Variants in FARP2 observed in about 807,000 individuals in gnomAD.
The protein encoded by FARP2 is FERM, ARHGEF and pleckstrin domain-containing protein 2.
A neutral mutation model predicts 130.5 loss-of-function variants in FARP2; 111 were observed. That is an observed-to-expected ratio of 0.85 (90% CI 0.73 to 1.00). FARP2 has a LOEUF of 1.00. FARP2 is among the 50% of genes least tolerant of loss of function. The pLI is 0.00. For missense variants in FARP2, 1,385 were observed against 1,346.3 expected, an observed-to-expected ratio of 1.03 and a Z score of -0.45; for synonymous variants, 504 against 516.9, an observed-to-expected ratio of 0.98 and a Z score of 0.34.
intron 2 of FARP2, among the ~76,000 whole-genome samples, chr2:241,397,869 G>C (rs1227478515): frequency 7.7e-6 from 1 of 129,296 alleles, no homozygotes; most frequent in Non-Finnish European, 1.6e-5. Context: ...TCGCTCTGTC[G>C]CCCAGGCTGG....
intron 8 of FARP2, among the ~76,000 whole-genome samples, chr2:241,424,976 T>TG (rs1415138294): frequency 6.6e-6 from 1 of 151,948 alleles, no homozygotes; most frequent in African/African-American, 2.4e-5. Context: ...CGGAGGCCAA[T>TG]GGGGGCAGAT....
Position 241,452,785 on chromosome 2 carries a change from A to T in FARP2, c.1412-3962A>T, listed in dbSNP as rs565822915. ...GTGAAACCACATCTCTACTAAAAAT[A>T]CAAAAATTAGCTGGGCATGGTGGCG... On this transcript the variant is annotated intron_variant, in intron 13 of 26. Transcript: ENST00000264042. Among the ~76,000 whole-genome samples the T allele has an allele frequency of 3.3e-5, 5 of 151,830 alleles. No homozygotes were observed. The South Asian group carries it at 1.0e-3, about 32-fold the overall frequency.
intron 8 of FARP2, among the ~76,000 whole-genome samples, chr2:241,424,831 A>G (rs1235574349): frequency 6.6e-6 from 1 of 152,220 alleles, no homozygotes; most frequent in Non-Finnish European, 1.5e-5. Context: ...CTCTATGCAC[A>G]TAAAGTGGAA....
chr2:241,493,959 G>A, intron 26 of FARP2, 49 bp from the exon 27 acceptor site: 1 of 1,182,730 alleles, frequency 8.5e-7, no homozygotes, highest in Non-Finnish European at 1.1e-6. Context: ...TTGGGACAGT[G>A]TCTGAGCACA....
intron 26 of FARP2, 134 bp downstream of exon 26, chr2:241,493,578 C>CAAAAA (rs1263766121): frequency 1.4e-4 from 99 of 719,474 alleles, no homozygotes; most frequent in Admixed American, 8.3e-5. Flanking sequence ...CCAGCATTTC[C>CAAAAA]AAAAAACAGC....
At chr2:241,433,641 T>C (rs1358306158) in intron 9 of FARP2, among the ~76,000 whole-genome samples, 1 of 152,234 alleles carries the variant, frequency 6.6e-6, no homozygotes, top group Non-Finnish European at 1.5e-5. Context: ...TGACTTCATT[T>C]TTCTGCTAGT....
chr2:241,478,454 G>T, intron 19 of FARP2: 1 of 266,832 alleles, frequency 3.7e-6, no homozygotes, highest in Non-Finnish European at 7.5e-6. Context: ...CAACATTGGT[G>T]GCACCTACTT....
chr2:241,468,288 C>T lies in FARP2; in HGVS notation c.2042C>T (p.Pro681Leu). The T allele has an allele frequency of 6.2e-7, 1 of 1,613,864 alleles. No individual in the cohort carries two copies. Among genetic ancestry groups the T allele is most frequent in the Non-Finnish European group, 8.5e-7 (1 of 1,180,028 alleles). The change falls in exon 18 of 27, where the codon CCC becomes CTC. Residue 681 changes from proline (P) to leucine (L), a missense_variant. Coordinates refer to ENST00000264042, the MANE Select transcript of FARP2 (RefSeq NM_014808.4). Reference sequence around the variant, plus strand: ...CCTCTCAACACGTTCCTGCTGAAGCCCATCCAGCGGCTGCTGCACTACCGC... The same window carrying T: ...CCTCTCAACACGTTCCTGCTGAAGCTCATCCAGCGGCTGCTGCACTACCGC... ...YLPLNTFLLK[P>L]IQRLLHYRLL...
intron 7 of FARP2, among the ~76,000 whole-genome samples, chr2:241,415,989 C>CTGTGTGTG (rs57774022): frequency 0.035 from 4,894 of 141,606 alleles, 120 homozygotes; most frequent in African/African-American, 0.047. Flanking sequence ...CAGGGTAGTT[C>CTGTGTGTG]TGTGTGTGTG....
Position 241,441,648 on chromosome 2 carries a change from C to T in FARP2, c.1411+92C>T, listed in dbSNP as rs749481371. 3.5e-5 allele frequency: 54 copies of T among 1,547,890 alleles called. No homozygotes were observed. In the Middle Eastern group the frequency reaches 5.0e-4, roughly 14 times the overall value. ...CCTTAGACCTAGACACAGGGAGGGC[C>T]GGTAGGGAGCTCAGCGCTGCTTGTA... On this transcript the variant is annotated intron_variant, in intron 13 of 26. Coordinates refer to ENST00000264042, the MANE Select transcript of FARP2 (RefSeq NM_014808.4).
In FARP2 at chr2:241,466,026, C is replaced by A. The variant is rs916974755; in HGVS notation, c.1893+2046C>A. On this transcript the variant is annotated intron_variant, in intron 17 of 26. Transcript: ENST00000264042. The stretch of plus-strand genomic sequence containing the variant: ...TGAAATATACACAAATCTGTTTGAT[C>A]CAGATTATCATACTGTAGTCATCTT... The A allele has an allele frequency of 3.8e-6, 5 of 1,313,264 alleles. No individual in the cohort carries two copies. The African/African-American group carries it at 7.4e-5, about 19-fold the overall frequency. 81.4% of individuals were successfully genotyped at this position (1,313,264 alleles called of 1,614,324 possible).
chr2:241,453,773 T>G (rs1372172049), intron 13 of FARP2, among the ~76,000 whole-genome samples: 68 of 19,620 alleles, frequency 3.5e-3, no homozygotes, highest in African/African-American at 0.011. Flanking sequence ...TTACTGGTTT[T>G]TTTTTTTTTT....
At chr2:241,454,196 G>A (rs1190124293) in intron 13 of FARP2, among the ~76,000 whole-genome samples, 3 of 152,034 alleles carry the variant, frequency 2.0e-5, no homozygotes, top group African/African-American at 4.8e-5. Context: ...TGAGTATGCC[G>A]TTTCCTCAAG....
At chr2:241,449,843 A>G (rs1200354649) in intron 13 of FARP2, among the ~76,000 whole-genome samples, 1 of 151,768 alleles carries the variant, frequency 6.6e-6, no homozygotes, top group Non-Finnish European at 1.5e-5. Context: ...CTAAAAATAC[A>G]CACACACACA....
intron 2 of FARP2, among the ~76,000 whole-genome samples, chr2:241,382,931 CTT>C (rs1575480834): frequency 6.6e-6 from 1 of 151,774 alleles, no homozygotes; most frequent in Non-Finnish European, 1.5e-5. Flanking sequence ...TTAAAAATAA[CTT>C]AAGAGTTGGG....
At chr2:241,471,912 G>GACTCTGTTCTGAGGGA (rs2064324086) in intron 18 of FARP2, among the ~76,000 whole-genome samples, 1 of 152,068 alleles carries the variant, frequency 6.6e-6, no homozygotes, top group African/African-American at 2.4e-5. Flanking sequence ...GTTCTGTGGG[G>GACTCTGTTCTGAGGGA]ACCCTGTTCT....
rs147016997 is a variant in FARP2 at position 241,376,625 on chromosome 2, C to T, written c.183+3335C>T. On this transcript the variant is annotated intron_variant, in intron 2 of 26. Transcript: ENST00000264042. ...TTGGATCAAGGCTGGTTGCCTGACC[C>T]GAGCCCACCATCACTGTCTTGCTGT... Among the ~76,000 whole-genome samples the T allele has an allele frequency of 9.1e-4, 139 of 152,356 alleles. 1 individual carries two copies. Among genetic ancestry groups the T allele is most frequent in the Middle Eastern group, 3.4e-3 (1 of 294 alleles).
intron 20 of FARP2, 100 bp downstream of exon 20, chr2:241,483,633 G>T: frequency 7.3e-7 from 1 of 1,364,212 alleles, no homozygotes; most frequent in Non-Finnish European, 1.0e-6. Flanking sequence ...TGGCCTCTGG[G>T]TAGTTTAGCA....
intron 17 of FARP2, 60 bp from the exon 18 acceptor site, chr2:241,468,080 A>T: frequency 8.8e-7 from 1 of 1,133,170 alleles, no homozygotes; most frequent in Non-Finnish European, 1.3e-6. Context: ...AAAACAGGCC[A>T]GTCTCCCCCT....
Sources: gnomAD v4.1 joint callset for allele counts (sites outside exome capture counted in the v4.1 genomes callset) on GRCh38, gnomAD v4.1.1 for gene constraint, MANE v1.5 for transcripts, NCBI Gene and HGNC (gene_info 2026-07-23, HGNC 2026-07-21) for gene names.